The following TENT5B variants were observed in gnomAD, a reference collection of about 807,000 sequenced individuals.
TENT5B encodes family with sequence similarity 46 member B.
In TENT5B, 12 loss-of-function variants were observed where a neutral mutation model predicts 21.7. That is an observed-to-expected ratio of 0.55 (90% confidence interval 0.36 to 0.90). The LOEUF (loss-of-function observed/expected upper bound fraction) is 0.90, where lower values mean the gene tolerates loss of function less well. TENT5B is among the 40% of genes least tolerant of loss of function. The probability of loss-of-function intolerance (pLI) is 0.01; values close to 1 mark genes in which losing one functional copy is unlikely to be tolerated. For missense variants in TENT5B, 540 were observed against 601.5 expected (o/e 0.90, Z 1.07); for synonymous variants, 262 against 266.6 (o/e 0.98, Z 0.17).
At chr1:27,009,702 TACTC>T (rs1189945469) in intron 1 of TENT5B, among the ~76,000 whole-genome samples, 1 of 152,236 alleles carries the variant, frequency 6.6e-6, no homozygotes, top group Non-Finnish European at 1.5e-5. Flanking sequence ...GACTGAGCCT[TACTC>T]AGTGCCAGCT....
At chr1:27,011,270 C>G (rs2082622591) in intron 1 of TENT5B, among the ~76,000 whole-genome samples, 1 of 152,164 alleles carries the variant, frequency 6.6e-6, no homozygotes, top group African/African-American at 2.4e-5. Context: ...GCAGGCAACC[C>G]TCCCCCTCTG....
At chr1:27,009,790 AT>A (rs1304809070) in intron 1 of TENT5B, among the ~76,000 whole-genome samples, 2 of 152,184 alleles carry the variant, frequency 1.3e-5, no homozygotes, top group African/African-American at 4.8e-5. Flanking sequence ...CTCTTGTTAA[AT>A]CCCCTGCGTC....
At chr1:27,008,729 A>G (rs1287847601) in intron 1 of TENT5B, among the ~76,000 whole-genome samples, 1 of 151,688 alleles carries the variant, frequency 6.6e-6, no homozygotes, top group Admixed American at 6.6e-5. Flanking sequence ...AGCCTCCCGA[A>G]TAGTTGGGAT....
In TENT5B at chr1:27,006,751, G is replaced by C. The variant is rs142664149; in HGVS notation, c.471C>G (p.Ala157=). Reference sequence around the variant, plus strand: ...GCGTGATCTTGGCCCGGCTCACACCGGCCGGCAGGAAGTCTAGTAGGCAGG... The same window carrying C: ...GCGTGATCTTGGCCCGGCTCACACCCGCCGGCAGGAAGTCTAGTAGGCAGG... ...VLACLLDFLP[A]GVSRAKITPL... is the part of the protein sequence containing the mutation. Residue 157 remains alanine (A), a synonymous_variant, in exon 2 of 2, where the codon GCC becomes GCG. Coordinates refer to ENST00000289166, the MANE Select transcript of TENT5B (RefSeq NM_052943.4). This position sits in a 1 kb window ranked among gnomAD's most constrained non-coding sequence, Gnocchi z 9.4. 1.7e-5 allele frequency: 28 copies of C among 1,613,780 alleles called. No individual in the cohort carries two copies. Among genetic ancestry groups the C allele is most frequent in the Non-Finnish European group, 2.4e-5 (28 of 1,179,992 alleles).
intron 1 of TENT5B, among the ~76,000 whole-genome samples, chr1:27,008,546 A>T (rs1465534324): frequency 6.6e-6 from 1 of 152,194 alleles, no homozygotes; most frequent in East Asian, 1.9e-4. Context: ...AGGGTGGCAG[A>T]AGGAGGCTAG....
chr1:27,006,637 C>T lies in TENT5B; in HGVS notation c.585G>A (p.Lys195=). ...DRWSLISLSN[K]SGKNVELKFV... ...ACTTGAGCTCCACGTTCTTGCCGCT[C>T]TTGTTGGACAGTGAGATGAGGCTCC... Residue 195 remains lysine (K), a synonymous_variant, in exon 2 of 2, where the codon AAG becomes AAA. Coordinates refer to ENST00000289166, the MANE Select transcript of TENT5B (RefSeq NM_052943.4). The surrounding 1 kb of genome is among the most constrained non-coding windows in gnomAD (Gnocchi z 9.4). 1 of 1,614,206 alleles carries T rather than the reference C, an allele frequency of 6.2e-7. No individual in the cohort carries two copies. Among genetic ancestry groups the T allele is most frequent in the Non-Finnish European group, 8.5e-7 (1 of 1,180,036 alleles).
In TENT5B at chr1:27,012,845, G is replaced by C; in HGVS notation, c.-175C>G. 7.1e-6 allele frequency: 6 copies of C among 848,398 alleles called. No homozygotes were observed. The highest frequency in any genetic ancestry group is 3.3e-5 in the East Asian group (1 of 30,576). The allele number at this position is 848,398 out of a possible 1,614,324, so 52.6% of individuals were successfully genotyped here. ...AGACGGCGACGACTAACCGACCCTA[G>C]CGCCTGCAGCCCGCGGCCCAGCGGA... is the stretch of plus-strand genomic sequence containing the variant. On this transcript the variant is annotated 5_prime_UTR_variant, in exon 1 of 2. Transcript: ENST00000289166.
intron 1 of TENT5B, among the ~76,000 whole-genome samples, chr1:27,011,053 G>A (rs992709434): frequency 1.3e-5 from 2 of 152,208 alleles, no homozygotes; most frequent in Non-Finnish European, 2.9e-5. Context: ...CACAATCCTG[G>A]AGGTGCAGCA....
At position 27,006,411 on chromosome 1, in the gene TENT5B, G is replaced by T; in HGVS notation, c.811C>A (p.Pro271Thr). Residue 271 changes from proline (P) to threonine (T), a missense_variant, in exon 2 of 2, where the codon CCC becomes ACC. Transcript: ENST00000289166. The surrounding 1 kb of genome is among the most constrained non-coding windows in gnomAD (Gnocchi z 9.4). ...LRHRVIATRS[P>T]EEIRGGGLLK... ...AGGCCACCACCTCGGATCTCCTCGGGACTGCGCGTGGCGATGACACGGTGC... is the reference window on the plus strand; with the variant it reads ...AGGCCACCACCTCGGATCTCCTCGGTACTGCGCGTGGCGATGACACGGTGC... 3 of 1,613,430 alleles carry T rather than the reference G, an allele frequency of 1.9e-6. No homozygotes were observed. The highest frequency in any genetic ancestry group is 1.7e-6 in the Non-Finnish European group (2 of 1,179,878).
chr1:27,008,977 C>CTTTTTTTTTTTTTT (rs58360969), intron 1 of TENT5B, among the ~76,000 whole-genome samples: 2 of 31,006 alleles, frequency 6.5e-5, no homozygotes, highest in Admixed American at 6.1e-4. Flanking sequence ...CTCCATCCTT[C>CTTTTTTTTTTTTTT]TTTTTTTTTT....
At chr1:27,012,261 T>C (rs2082627538) in intron 1 of TENT5B, 146 bp downstream of exon 1, 23 of 1,296,598 alleles carry the variant, frequency 1.8e-5, no homozygotes, top group Admixed American at 1.2e-4. Context: ...TGGTCTACCA[T>C]TCATAATGCT....
intron 1 of TENT5B, among the ~76,000 whole-genome samples, chr1:27,010,825 C>T (rs1290354709): frequency 6.6e-6 from 1 of 152,222 alleles, no homozygotes; most frequent in East Asian, 1.9e-4. Flanking sequence ...GAGTCTCCCC[C>T]ATCTGGCTAG....
intron 1 of TENT5B, among the ~76,000 whole-genome samples, chr1:27,009,938 C>A (rs1320417529): frequency 6.6e-6 from 1 of 152,240 alleles, no homozygotes; most frequent in Admixed American, 6.5e-5. Context: ...CCTCCTGAAT[C>A]AGACTTTCCA....
Position 27,006,993 on chromosome 1 carries a change from C to T in TENT5B, c.265-36G>A, listed in dbSNP as rs377618409. On this transcript the variant is annotated intron_variant, in intron 1 of 1. Transcript: ENST00000289166. The surrounding 1 kb of genome is among the most constrained non-coding windows in gnomAD (Gnocchi z 9.4). ...GAGCAGGAAGGAGAGGTGTCAGGAG[C>T]GGGCCTCAGGGGTCCACCAAGGACT... The T allele has an allele frequency of 1.2e-4, 190 of 1,537,830 alleles. No individual in the cohort carries two copies. Among genetic ancestry groups the T allele is most frequent in the African/African-American group, 9.0e-4 (66 of 73,228 alleles).
rs1570785349 is a variant in TENT5B, at chr1:27,012,496, G to T, written c.175C>A (p.Arg59=). 2 of 1,609,124 alleles carry T rather than the reference G, an allele frequency of 1.2e-6. No individual in the cohort carries two copies. The highest frequency in any genetic ancestry group is 1.7e-6 in the Non-Finnish European group (2 of 1,179,546). ...LSGLSWPQVK[R]LDALLSEPIP... is the part of the protein sequence containing the mutation. The stretch of plus-strand genomic sequence containing the variant: ...GGCTCGCTCAGAAGAGCGTCCAGTC[G>T]CTTCACCTGTGGCCAGCTCAGCCCA... Residue 59 remains arginine, a synonymous_variant, in exon 1 of 2, where the codon CGA becomes AGA. Transcript: ENST00000289166.
chr1:27,012,564 G>GGGCCGCCGCCTGCCGGGGCTGCCGT lies in TENT5B; in HGVS notation c.82_106dup (p.Pro36HisfsTer91). The GGGCCGCCGCCTGCCGGGGCTGCCGT allele has an allele frequency of 6.4e-7, 1 of 1,565,822 alleles. No individual in the cohort carries two copies. Among genetic ancestry groups the GGGCCGCCGCCTGCCGGGGCTGCCGT allele is most frequent in the Non-Finnish European group, 8.6e-7 (1 of 1,162,598 alleles). On this transcript the variant is annotated frameshift_variant, in exon 1 of 2. Coordinates refer to ENST00000289166, the MANE Select transcript of TENT5B (RefSeq NM_052943.4). LOFTEE classifies it high-confidence loss of function. The stretch of plus-strand genomic sequence containing the variant: ...GAAGGCCGATAAGGCCTCCGGGTCG[G>GGGCCGCCGCCTGCCGGGGCTGCCGT]GGCCGCCGCCTGCCGGGGCTGCCGT...
intron 1 of TENT5B, 116 bp downstream of exon 1, chr1:27,012,291 G>T: frequency 6.8e-7 from 1 of 1,466,038 alleles, no homozygotes; most frequent in Non-Finnish European, 9.2e-7. Context: ...TTACAGCCAT[G>T]TCCCCGTTCC....
At position 27,012,693 on chromosome 1, in the gene TENT5B, C is replaced by T. The variant is rs981008389; in HGVS notation, c.-23G>A. ...CATCCGCCCGGCCCCCGGGCCCCGA[C>T]GGCAGAAACCGTGGGGGTGGTTAAG... On this transcript the variant is annotated 5_prime_UTR_variant, in exon 1 of 2. Transcript: ENST00000289166. 7 of 1,449,374 alleles carry T rather than the reference C, an allele frequency of 4.8e-6. No homozygotes were observed. The highest frequency in any genetic ancestry group is 3.3e-5 in the Admixed American group (1 of 30,382). The allele number at this position is 1,449,374 out of a possible 1,614,324, so 89.8% of individuals were successfully genotyped here.
In TENT5B at chr1:27,006,996, G is replaced by A. The variant is rs1370837471; in HGVS notation, c.265-39C>T. On this transcript the variant is annotated intron_variant, in intron 1 of 1. Coordinates refer to ENST00000289166, the MANE Select transcript of TENT5B (RefSeq NM_052943.4). This position sits in a 1 kb window ranked among gnomAD's most constrained non-coding sequence, Gnocchi z 9.4. ...CAGGAAGGAGAGGTGTCAGGAGCGGGCCTCAGGGGTCCACCAAGGACTTCC... is the reference window on the plus strand; with the variant it reads ...CAGGAAGGAGAGGTGTCAGGAGCGGACCTCAGGGGTCCACCAAGGACTTCC... 6.6e-7 allele frequency: 1 copy of A among 1,525,686 alleles called. No homozygotes were observed. Among genetic ancestry groups the A allele is most frequent in the South Asian group, 1.3e-5 (1 of 77,058 alleles). The allele number at this position is 1,525,686 out of a possible 1,614,324, so 94.5% of individuals were successfully genotyped here. A position where few individuals can be genotyped will look rare whatever the true frequency, so the allele number is the denominator to read the frequency against.
Sources: allele counts gnomAD v4.1 joint callset (sites outside exome capture counted in the v4.1 genomes callset), GRCh38; gene constraint gnomAD v4.1.1; non-coding constraint Gnocchi (gnomAD v3.1); transcripts MANE v1.5; gene names NCBI Gene and HGNC (gene_info 2026-07-23, HGNC 2026-07-21).